The following SMPD4 variants were observed in gnomAD, a reference collection of about 807,000 sequenced individuals.
SMPD4 encodes neutral sphingomyelinase 3.
SMPD4 carries 58 observed loss-of-function variants against 97.8 expected under a neutral mutation model. The observed-to-expected ratio is 0.59, with a 90% CI of 0.48 to 0.74. The LOEUF (loss-of-function observed/expected upper bound fraction) is 0.74, where lower values mean the gene tolerates loss of function less well. Among genes scored for constraint, SMPD4 ranks in the 30% least tolerant of loss-of-function variants. SMPD4 has a pLI of 0.00. For synonymous variants in SMPD4, 388 were observed against 450.0 expected, an observed-to-expected ratio of 0.86 and a Z score of 1.74; for missense variants, 853 against 1,080.5, an observed-to-expected ratio of 0.79 and a Z score of 2.95.
intron 3 of SMPD4, 130 bp downstream of exon 3, chr2:130,174,784 T>C (rs1573727697): frequency 6.5e-6 from 4 of 611,066 alleles, no homozygotes; most frequent in South Asian, 2.3e-5. Flanking sequence ...ATAATGGTCA[T>C]GGTAATGGCC....
chr2:130,156,769 C>T (rs543640899), intron 12 of SMPD4, 94 bp from the exon 13 acceptor site: 32 of 1,555,016 alleles, frequency 2.1e-5, no homozygotes, highest in Admixed American at 1.8e-4. Flanking sequence ...GGGTTGGCTC[C>T]GCCGGGGGAG....
In SMPD4 at chr2:130,156,336, G is replaced by C; in HGVS notation, c.1189-201C>G. 9.1e-6 allele frequency: 6 copies of C among 662,620 alleles called. No homozygotes were observed. The South Asian group carries it at 1.2e-4, about 13-fold the overall frequency. The allele number at this position is 662,620 out of a possible 1,614,324, so 41.0% of individuals were successfully genotyped here. A position where few individuals can be genotyped will look rare whatever the true frequency, so the allele number is the denominator to read the frequency against. ...CAGGGTGGGCTTTTCCCAGCCCAGG[G>C]GGCAGAGTACTCCCTGGTCAGGTAA... is the stretch of plus-strand genomic sequence containing the variant. On this transcript the variant is annotated intron_variant, in intron 13 of 19. Transcript: ENST00000680298.
chr2:130,179,090 G>T (rs13005599), intron 1 of SMPD4, among the ~76,000 whole-genome samples: 51,988 of 151,498 alleles, frequency 0.34, 9,307 homozygotes, highest in East Asian at 0.46. Flanking sequence ...CTGCCTCTCG[G>T]CAATAGGAAC....
chr2:130,167,277 C>G (rs551936348), intron 9 of SMPD4, among the ~76,000 whole-genome samples, 181 bp downstream of exon 9: 1 of 152,134 alleles, frequency 6.6e-6, no homozygotes, highest in Non-Finnish European at 1.5e-5. Flanking sequence ...CCTGCCACCA[C>G]GCCCAACTAA....
chr2:130,156,301 C>T (rs1444951480), intron 13 of SMPD4, 166 bp from the exon 14 acceptor site: 3 of 704,438 alleles, frequency 4.3e-6, no homozygotes, highest in Non-Finnish European at 7.2e-6. Context: ...CTTGCTGGCC[C>T]TCCAGAAGCC....
chr2:130,181,304 G>A (rs1463919759), intron 1 of SMPD4: 3 of 1,420,264 alleles, frequency 2.1e-6, no homozygotes, highest in Middle Eastern at 2.6e-4. Flanking sequence ...ACCGGACCGG[G>A]ACAGAGTGTA....
intron 1 of SMPD4, among the ~76,000 whole-genome samples, chr2:130,176,994 C>T (rs1054004261): frequency 6.6e-6 from 1 of 152,170 alleles, no homozygotes; most frequent in Admixed American, 6.5e-5. Context: ...CTGGCCCTAA[C>T]AAAATATTAC....
At chr2:130,167,125 C>CT (rs1294844094) in intron 9 of SMPD4, among the ~76,000 whole-genome samples, 2,202 of 144,904 alleles carry the variant, frequency 0.015, 57 homozygotes, top group Admixed American at 0.07. Flanking sequence ...TTTTCTTTTT[C>CT]TTTTTTTTTT....
At chr2:130,170,017 G>A (rs1191993103) in intron 8 of SMPD4, among the ~76,000 whole-genome samples, 1 of 148,696 alleles carries the variant, frequency 6.7e-6, no homozygotes, top group Non-Finnish European at 1.5e-5. Context: ...GCAACACAGC[G>A]AGGCATCCCC....
intron 18 of SMPD4, 44 bp downstream of exon 18, chr2:130,153,275 G>A: frequency 6.2e-7 from 1 of 1,613,286 alleles, no homozygotes; most frequent in South Asian, 1.1e-5. Flanking sequence ...GCTGGGGACG[G>A]GTCAGGGCCC....
At chr2:130,156,919 G>C (rs549012323) in intron 12 of SMPD4, 3 of 1,114,532 alleles carry the variant, frequency 2.7e-6, no homozygotes, top group Non-Finnish European at 3.9e-6. Flanking sequence ...CTCACCCTCC[G>C]TCCCATACAA....
chr2:130,162,179 G>A (rs1687491939), intron 10 of SMPD4, among the ~76,000 whole-genome samples: 2 of 152,262 alleles, frequency 1.3e-5, no homozygotes, highest in Admixed American at 1.3e-4. Context: ...TCTGGCCACA[G>A]CCACACACAC....
chr2:130,153,372 C>T lies in SMPD4; in HGVS notation c.1972G>A (p.Asp658Asn), dbSNP rs370801553. ...AGTCCGTCCTCACCCACGATGCAGTCGGGGAGTTGCTTTTTTCCATTCTCA... is the reference window on the plus strand; with the variant it reads ...AGTCCGTCCTCACCCACGATGCAGTTGGGGAGTTGCTTTTTTCCATTCTCA... ...QDENGKKQLP[D>N]CIVGEDGLIL... The change falls in exon 18 of 20, where the codon GAC becomes AAC. Residue 658 changes from aspartate to asparagine, a missense_variant. By Grantham distance (23) the Asp-to-Asn change is conservative. Around this residue, in one of 3 missense-constraint regions of SMPD4, gnomAD observed 511 missense variants for 608.1 expected, o/e 0.84. Coordinates refer to ENST00000680298, the MANE Select transcript of SMPD4 (RefSeq NM_017951.5). 4.3e-6 allele frequency: 7 copies of T among 1,613,696 alleles called. No homozygotes were observed. In the African/African-American group the frequency reaches 5.3e-5, roughly 12 times the overall value.
chr2:130,173,403 G>A lies in SMPD4; in HGVS notation c.270-49C>T, dbSNP rs113723087. ...AACAAAAACAGGGCAAATGAACTGC[G>A]AATTATCTTGCTTTGATTGTTTCTT... On this transcript the variant is annotated intron_variant, in intron 4 of 19. Transcript: ENST00000680298. 99 of 1,604,892 alleles carry A rather than the reference G, an allele frequency of 6.2e-5. No individual in the cohort carries two copies. The East Asian group carries it at 1.7e-3, about 28-fold the overall frequency.
At chr2:130,160,220 C>T (rs1687256624) in intron 11 of SMPD4, among the ~76,000 whole-genome samples, 1 of 152,208 alleles carries the variant, frequency 6.6e-6, no homozygotes, top group African/African-American at 2.4e-5. Flanking sequence ...CCCTCCCTGG[C>T]GCAAGCCCTC....
intron 11 of SMPD4, among the ~76,000 whole-genome samples, chr2:130,159,099 A>G (rs1180219330): frequency 6.6e-6 from 1 of 151,930 alleles, no homozygotes; most frequent in East Asian, 2.0e-4. Context: ...GGCTTAAGGG[A>G]TCCTCCCATC....
At chr2:130,154,048 C>T (rs1179399693) in intron 16 of SMPD4, 113 bp from the exon 17 acceptor site, 1 of 1,182,706 alleles carries the variant, frequency 8.5e-7, no homozygotes, top group Non-Finnish European at 1.2e-6. Context: ...GTGGCTTCTG[C>T]CAGAAGACTT....
Position 130,154,337 on chromosome 2 carries a change from G to A in SMPD4, c.1599C>T (p.Tyr533=), listed in dbSNP as rs767694730. The change falls in exon 16 of 20, where the codon TAC becomes TAT. Residue 533 remains tyrosine (Y), a synonymous_variant. Transcript: ENST00000680298. ...ACTTGCAGTCCTGGCCCTCCAGGCTGTAGACGTGGCTCTTCACCTTGAAGG... is the reference window on the plus strand; with the variant it reads ...ACTTGCAGTCCTGGCCCTCCAGGCTATAGACGTGGCTCTTCACCTTGAAGG... ...DASFKVKSHV[Y]SLEGQDCKYT... The A allele has an allele frequency of 2.5e-6, 4 of 1,611,426 alleles. No individual in the cohort carries two copies. The African/African-American group carries it at 4.0e-5, about 16-fold the overall frequency.
rs1165807929 is a variant in SMPD4 at position 130,152,801 on chromosome 2, C to T, written c.2238G>A (p.Leu746=). 1.9e-6 allele frequency: 3 copies of T among 1,609,988 alleles called. No homozygotes were observed. The African/African-American group carries it at 4.0e-5, about 22-fold the overall frequency. ...CAGGGCTCAGCAGGTGCCTGCTGGC[C>T]AGCCCAGGTTCTGTGAGGTGGTAGC... ...FCRYHLTEPG[L]ASRHLLSPVG... Residue 746 remains leucine (L), a synonymous_variant, in exon 20 of 20, where the codon CTG becomes CTA. Transcript: ENST00000680298.
Sources: allele counts gnomAD v4.1 joint callset (sites outside exome capture counted in the v4.1 genomes callset), GRCh38; gene constraint gnomAD v4.1.1; regional missense constraint gnomAD v4.1.1; transcripts MANE v1.5; gene names NCBI Gene and HGNC (gene_info 2026-07-23, HGNC 2026-07-21).